The following ADAMTS12 variants were observed in gnomAD, a reference collection of about 807,000 sequenced individuals.
ADAMTS12 encodes ADAM metallopeptidase with thrombospondin type 1 motif 12, also known as A disintegrin and metalloproteinase with thrombospondin motifs 12.
ADAMTS12 carries 118 observed loss-of-function variants against 167.8 expected under a neutral mutation model. The ratio of observed to expected loss-of-function variants is 0.70; its 90% CI spans 0.61 to 0.82. The LOEUF (loss-of-function observed/expected upper bound fraction) is 0.82, where lower values mean the gene tolerates loss of function less well. ADAMTS12 is among the 40% of genes least tolerant of loss of function. The pLI is 0.00. For missense variants in ADAMTS12, 1,916 were observed against 1,998.8 expected (o/e 0.96, Z 0.79); for synonymous variants, 704 against 716.9 (o/e 0.98, Z 0.29).
intron 9 of ADAMTS12, among the ~76,000 whole-genome samples, chr5:33,644,904 G>A (rs1011440284): frequency 4.6e-5 from 7 of 151,994 alleles, no homozygotes; most frequent in African/African-American, 1.4e-4. Context: ...CTAATTTTTT[G>A]TATCTGTAGT....
chr5:33,627,097 TG>T (rs1412629963), intron 13 of ADAMTS12, among the ~76,000 whole-genome samples: 2 of 142,612 alleles, frequency 1.4e-5, no homozygotes, highest in African/African-American at 5.3e-5. Flanking sequence ...GTGGTGGTGG[TG>T]GTGATGATGG....
rs762686450 is a variant in ADAMTS12, at chr5:33,614,356, G to T, written c.2409C>A (p.Asn803Lys). The change falls in exon 16 of 24, where the codon AAC (asparagine) becomes AAA (lysine). Residue 803 changes from asparagine (N) to lysine (K), a missense_variant. Coordinates refer to ENST00000504830, the MANE Select transcript of ADAMTS12 (RefSeq NM_030955.4). ...TTGTGTACTCATACTTGATGCCAGG[G>T]TTAGTCACCTGGAATAGAAGCTAAA... ...VWIQLLFQVTNPGIKYEYTIQ... is the reference protein window; with the variant it reads ...VWIQLLFQVTKPGIKYEYTIQ... 19 of 1,614,092 alleles carry T rather than the reference G, an allele frequency of 1.2e-5. No homozygotes were observed. The South Asian group carries it at 2.0e-4, about 17-fold the overall frequency.
At chr5:33,633,670 G>C (rs1740061415) in intron 12 of ADAMTS12, among the ~76,000 whole-genome samples, 1 of 152,012 alleles carries the variant, frequency 6.6e-6, no homozygotes, top group South Asian at 2.1e-4. Flanking sequence ...AAGGGCTGTG[G>C]TTATATCATT....
At chr5:33,588,097 T>A (rs546732287) in intron 18 of ADAMTS12, among the ~76,000 whole-genome samples, 1 of 152,338 alleles carries the variant, frequency 6.6e-6, no homozygotes, top group South Asian at 2.1e-4. Flanking sequence ...TCTGAACTTG[T>A]GTGTCTGATA....
chr5:33,654,018 A>G (rs890449214), intron 7 of ADAMTS12, among the ~76,000 whole-genome samples: 1 of 152,098 alleles, frequency 6.6e-6, no homozygotes, highest in African/African-American at 2.4e-5. Context: ...CTTTGCTCAT[A>G]CAGATTACAT....
At chr5:33,647,994 G>T (rs1334008511) in intron 9 of ADAMTS12, among the ~76,000 whole-genome samples, 3 of 152,188 alleles carry the variant, frequency 2.0e-5, no homozygotes, top group Admixed American at 1.3e-4. Context: ...ATTAATTTTT[G>T]AGTGTTTATA....
intron 5 of ADAMTS12, among the ~76,000 whole-genome samples, chr5:33,667,320 A>G (rs1741510524): frequency 6.9e-6 from 1 of 145,186 alleles, no homozygotes; most frequent in Non-Finnish European, 1.5e-5. Flanking sequence ...TCTGTCTCAA[A>G]AAAAAAAAAA....
intron 2 of ADAMTS12, among the ~76,000 whole-genome samples, chr5:33,854,229 C>T (rs1749322241): frequency 6.6e-6 from 1 of 152,138 alleles, no homozygotes; most frequent in South Asian, 2.1e-4. Flanking sequence ...GGGACATTTT[C>T]AAAAGGGATT....
chr5:33,585,893 C>A lies in ADAMTS12; in HGVS notation c.2865+2706G>T, dbSNP rs574558540. Among the ~76,000 whole-genome samples the A allele has an allele frequency of 5.7e-4, 87 of 152,220 alleles. No homozygotes were observed. The South Asian group carries it at 0.018, about 31-fold the overall frequency. On this transcript the variant is annotated intron_variant, in intron 18 of 23. Transcript: ENST00000504830. ...TACCAACCTGGCACGGCTGAGCCCA[C>A]TCTCTCCTCACTGCTTGAGTTGGTG...
At chr5:33,867,460 G>A (rs1212096655) in intron 2 of ADAMTS12, among the ~76,000 whole-genome samples, 1 of 152,098 alleles carries the variant, frequency 6.6e-6, no homozygotes. Context: ...AGACTCAGAA[G>A]TGGGAGGTTG....
chr5:33,568,311 C>T (rs141545644), intron 19 of ADAMTS12, among the ~76,000 whole-genome samples: 13 of 152,144 alleles, frequency 8.5e-5, no homozygotes, highest in Middle Eastern at 3.4e-3. Context: ...TAAATCAAAG[C>T]GAAAACATAG....
Position 33,630,760 on chromosome 5 carries a change from T to A in ADAMTS12, c.2022+20A>T. On this transcript the variant is annotated intron_variant, in intron 13 of 23. Coordinates refer to ENST00000504830, the MANE Select transcript of ADAMTS12 (RefSeq NM_030955.4). ...GTCATGATTTTATAAAGTTGTAGAT[T>A]AAGGAAACATACCCAATACCTTACA... 3 of 1,598,964 alleles carry A rather than the reference T, an allele frequency of 1.9e-6. No homozygotes were observed. Among genetic ancestry groups the A allele is most frequent in the Non-Finnish European group, 2.6e-6 (3 of 1,168,448 alleles).
intron 2 of ADAMTS12, among the ~76,000 whole-genome samples, chr5:33,753,951 C>T (rs917169233): frequency 1.3e-5 from 2 of 152,164 alleles, no homozygotes; most frequent in Admixed American, 6.5e-5. Context: ...GTCCCAGGAT[C>T]TCGTGTGTTT....
chr5:33,776,113 T>C (rs981478022), intron 2 of ADAMTS12, among the ~76,000 whole-genome samples: 1 of 152,056 alleles, frequency 6.6e-6, no homozygotes, highest in African/African-American at 2.4e-5. Context: ...TAGACAACAA[T>C]ACAATAATAG....
At chr5:33,637,378 C>G (rs1285483236) in intron 12 of ADAMTS12, among the ~76,000 whole-genome samples, 199 bp downstream of exon 12, 23 of 152,186 alleles carry the variant, frequency 1.5e-4, no homozygotes, top group Non-Finnish European at 3.4e-4. Context: ...AAAGCTCAGA[C>G]AGAGTTGAAT....
At chr5:33,624,659 G>A (rs985206165) in intron 13 of ADAMTS12, among the ~76,000 whole-genome samples, 6 of 152,220 alleles carry the variant, frequency 3.9e-5, no homozygotes, top group African/African-American at 1.4e-4. Context: ...ACATCTTGGA[G>A]TTGAAGCTGG....
intron 2 of ADAMTS12, among the ~76,000 whole-genome samples, chr5:33,776,899 T>TA (rs1274314814): frequency 6.6e-6 from 1 of 152,078 alleles, no homozygotes; most frequent in African/African-American, 2.4e-5. Context: ...TATAAACAAT[T>TA]ACACTCCAAT....
chr5:33,593,029 C>A (rs935816478), intron 17 of ADAMTS12, among the ~76,000 whole-genome samples: 4 of 152,178 alleles, frequency 2.6e-5, no homozygotes, highest in African/African-American at 9.7e-5. Flanking sequence ...GTAATCCCAG[C>A]ACTTGGGGAG....
At chr5:33,881,859 C>T (rs1053410413) in intron 1 of ADAMTS12, among the ~76,000 whole-genome samples, 12 of 151,650 alleles carry the variant, frequency 7.9e-5, no homozygotes, top group African/African-American at 2.7e-4. Flanking sequence ...CAGGTGTGAG[C>T]TACCATGCCC....
Sources: allele counts gnomAD v4.1 joint callset (sites outside exome capture counted in the v4.1 genomes callset), GRCh38; gene constraint gnomAD v4.1.1; transcripts MANE v1.5; gene names NCBI Gene and HGNC (gene_info 2026-07-23, HGNC 2026-07-21).